The following PRIMA1 variants were observed in gnomAD, a reference collection of about 807,000 sequenced individuals.
PRIMA1 encodes the protein proline rich membrane anchor 1.
PRIMA1 carries 7 observed loss-of-function variants against 17.5 expected under a neutral mutation model. That is an observed-to-expected ratio of 0.40 (90% confidence interval 0.23 to 0.75). The LOEUF (loss-of-function observed/expected upper bound fraction) is 0.75. PRIMA1 is among the 30% of genes least tolerant of loss of function. The probability of loss-of-function intolerance (pLI) is 0.37; values close to 1 mark genes in which losing one functional copy is unlikely to be tolerated. For synonymous variants in PRIMA1, 97 were observed against 77.9 expected (o/e 1.25, Z -1.29); for missense variants, 200 against 201.8 (o/e 0.99, Z 0.05).
At chr14:93,730,924 C>A (rs1157960986) in intron 4 of PRIMA1, among the ~76,000 whole-genome samples, 2 of 152,148 alleles carry the variant, frequency 1.3e-5, no homozygotes, top group Non-Finnish European at 2.9e-5. Flanking sequence ...ATATTGGGAT[C>A]ATCCAGCTTG....
At chr14:93,769,128 C>T (rs114198954) in intron 3 of PRIMA1, among the ~76,000 whole-genome samples, 120 of 152,268 alleles carry the variant, frequency 7.9e-4, no homozygotes, top group African/African-American at 2.6e-3. Context: ...GTGCTTTGTA[C>T]AGAGGGGAAT....
chr14:93,763,454 T>C (rs907727776), intron 3 of PRIMA1, among the ~76,000 whole-genome samples: 3 of 152,216 alleles, frequency 2.0e-5, no homozygotes, highest in African/African-American at 7.2e-5. Context: ...CAGTGAGCTC[T>C]GCCTCCTCCC....
intron 3 of PRIMA1, among the ~76,000 whole-genome samples, chr14:93,777,031 T>C (rs1447037643): frequency 1.3e-5 from 2 of 152,218 alleles, no homozygotes; most frequent in Non-Finnish European, 2.9e-5. Context: ...AGGAGATTAA[T>C]TTGTATACAC....
rs143041241 is a variant in PRIMA1 at position 93,745,071 on chromosome 14, T to C, written c.230-7701A>G. Among the ~76,000 whole-genome samples the C allele has an allele frequency of 2.3e-3, 357 of 152,262 alleles. 2 individuals are homozygous for C. Among genetic ancestry groups the C allele is most frequent in the South Asian group, 0.023 (109 of 4,818 alleles). ...GAAGTGATGCTGGCTTGGCCTGTTT[T>C]GGGGCAGTCTGTCTCTTGCCCACCT... On this transcript the variant is annotated intron_variant, in intron 3 of 4. Transcript: ENST00000393140.
intron 3 of PRIMA1, among the ~76,000 whole-genome samples, chr14:93,769,352 A>T (rs962274875): frequency 6.6e-6 from 1 of 152,230 alleles, no homozygotes; most frequent in Non-Finnish European, 1.5e-5. Flanking sequence ...TGACCAGCAC[A>T]CATCTGGAAA....
intron 3 of PRIMA1, among the ~76,000 whole-genome samples, chr14:93,761,407 C>T (rs1884718641): frequency 6.6e-6 from 1 of 152,118 alleles, no homozygotes; most frequent in Non-Finnish European, 1.5e-5. Flanking sequence ...TTATAAAGCC[C>T]TGCATGATTT....
chr14:93,781,293 T>C (rs965384752), intron 2 of PRIMA1, among the ~76,000 whole-genome samples: 1 of 152,234 alleles, frequency 6.6e-6, no homozygotes, highest in African/African-American at 2.4e-5. Context: ...CAGTGGGAAA[T>C]CCACCGGCTT....
intron 4 of PRIMA1, among the ~76,000 whole-genome samples, chr14:93,730,592 T>A (rs1289121105): frequency 6.6e-6 from 1 of 152,146 alleles, no homozygotes; most frequent in African/African-American, 2.4e-5. Context: ...CCCTTGACCA[T>A]GAAGGTTCAT....
At chr14:93,777,293 G>A (rs1317209203) in intron 3 of PRIMA1, among the ~76,000 whole-genome samples, 1 of 152,066 alleles carries the variant, frequency 6.6e-6, no homozygotes, top group Non-Finnish European at 1.5e-5. Context: ...CCTTCTGCCT[G>A]GATGCCCTTT....
At chr14:93,736,065 CCTT>C (rs1249543191) in intron 4 of PRIMA1, among the ~76,000 whole-genome samples, 9 of 152,216 alleles carry the variant, frequency 5.9e-5, no homozygotes, top group Non-Finnish European at 1.0e-4. Flanking sequence ...GTCTGTATGT[CCTT>C]CTGGCCTCAA....
chr14:93,721,654 G>GA, intron 4 of PRIMA1, 108 bp from the exon 5 acceptor site: 1 of 690,356 alleles, frequency 1.4e-6, no homozygotes, highest in Non-Finnish European at 2.6e-6. Context: ...CCTGCTCCGT[G>GA]AGAGTGTCAG....
At chr14:93,732,680 G>A (rs941820228) in intron 4 of PRIMA1, among the ~76,000 whole-genome samples, 1 of 152,252 alleles carries the variant, frequency 6.6e-6, no homozygotes, top group African/African-American at 2.4e-5. Context: ...ACGTCCAAGA[G>A]GCTGAATGCC....
chr14:93,722,624 TTGGTGGTGGTGATGGCAG>T (rs1420694058), intron 4 of PRIMA1, among the ~76,000 whole-genome samples: 1 of 150,726 alleles, frequency 6.6e-6, no homozygotes, highest in East Asian at 2.0e-4. Flanking sequence ...GGAGGTGGTA[TTGGTGGTGGTGATGGCAG>T]TGGTGGTGGC....
At position 93,745,794 on chromosome 14, in the gene PRIMA1, C is replaced by T. The variant is rs2076213579; in HGVS notation, c.230-8424G>A. ...CAGTTCAGCACAGTGGTTATCCACA[C>T]GGGCTTTGAATCAGAAGTACCAGGA... On this transcript the variant is annotated intron_variant, in intron 3 of 4. Transcript: ENST00000393140. Among the ~76,000 whole-genome samples, 3 of 152,262 alleles carry T rather than the reference C, an allele frequency of 2.0e-5. No individual in the cohort carries two copies. The South Asian group carries it at 6.2e-4, about 31-fold the overall frequency.
chr14:93,775,001 C>T (rs989927314), intron 3 of PRIMA1, among the ~76,000 whole-genome samples: 29 of 152,238 alleles, frequency 1.9e-4, no homozygotes, highest in African/African-American at 6.8e-4. Context: ...TGGAATCGGC[C>T]TCTTATGCCA....
At position 93,761,295 on chromosome 14, in the gene PRIMA1, G is replaced by A. The variant is rs540670144; in HGVS notation, c.229+17881C>T. On this transcript the variant is annotated intron_variant, in intron 3 of 4. Transcript: ENST00000393140. ...GAACCCAGGAGGCAGAGGTTGCAGC[G>A]AGCGGAGATTGTGCCACTGCACTCC... is the stretch of plus-strand genomic sequence containing the variant. Among the ~76,000 whole-genome samples, 252 of 152,240 alleles carry A rather than the reference G, an allele frequency of 1.7e-3. 2 individuals are homozygous for A. In the Middle Eastern group the frequency reaches 0.037, roughly 23 times the overall value.
intron 3 of PRIMA1, among the ~76,000 whole-genome samples, chr14:93,763,670 G>A (rs1443945506): frequency 2.0e-5 from 3 of 152,126 alleles, no homozygotes; most frequent in Non-Finnish European, 4.4e-5. Flanking sequence ...TGCGTGCCCC[G>A]TCTGCTAATC....
At chr14:93,755,013 C>T (rs1011601783) in intron 3 of PRIMA1, among the ~76,000 whole-genome samples, 7 of 152,174 alleles carry the variant, frequency 4.6e-5, no homozygotes, top group African/African-American at 1.7e-4. Context: ...GGTGAGGTCT[C>T]GAAAGCTCTC....
intron 3 of PRIMA1, among the ~76,000 whole-genome samples, chr14:93,744,651 C>T (rs190837364): frequency 1.3e-5 from 2 of 152,296 alleles, no homozygotes; most frequent in Admixed American, 6.5e-5. Context: ...TGCCCTTGTG[C>T]GCCTGCAATT....
Sources: allele counts gnomAD v4.1 joint callset (sites outside exome capture counted in the v4.1 genomes callset), GRCh38; gene constraint gnomAD v4.1.1; transcripts MANE v1.5; gene names NCBI Gene and HGNC (gene_info 2026-07-23, HGNC 2026-07-21).